CECR2: variants seen among roughly 807,000 people sequenced by gnomAD.
CECR2 encodes chromatin remodeling regulator CECR2.
A neutral mutation model predicts 154.5 loss-of-function variants in CECR2; 30 were observed. That is an observed-to-expected ratio of 0.19 (90% CI 0.15 to 0.26). The LOEUF is 0.26. CECR2 is among the 10% of genes least tolerant of loss of function. The pLI is 1.00. For synonymous variants in CECR2, 725 were observed against 683.7 expected (o/e 1.06, Z -0.94); for missense variants, 1,743 against 1,829.3 (o/e 0.95, Z 0.86).
chr22:17,435,689 A>AC (rs1357624633), intron 1 of CECR2, among the ~76,000 whole-genome samples: 3 of 142,884 alleles, frequency 2.1e-5, no homozygotes, highest in Non-Finnish European at 4.5e-5. Flanking sequence ...ATTCTTAAAA[A>AC]AAAAAAAAAA....
In CECR2 at chr22:17,510,541, A is replaced by G. The variant is rs554556363; in HGVS notation, c.871-1272A>G. On this transcript the variant is annotated intron_variant, in intron 7 of 18. Coordinates refer to ENST00000262608, the MANE Select transcript of CECR2 (RefSeq NM_001290047.2). ...GTTTTTCGGGACAAGTACTTAAAGA[A>G]GGTCATGACAGCGTTTGATAATTGG... 4.6e-5 allele frequency among the ~76,000 whole-genome samples: 7 copies of G among 152,276 alleles called. No homozygotes were observed. The South Asian group carries it at 1.2e-3, about 27-fold the overall frequency.
intron 1 of CECR2, among the ~76,000 whole-genome samples, chr22:17,406,433 G>GA (rs1227879752): frequency 1.3e-5 from 2 of 152,172 alleles, no homozygotes; most frequent in Non-Finnish European, 2.9e-5. Flanking sequence ...TGAAGCATGA[G>GA]AATCACTTGA....
At chr22:17,394,223 T>TA (rs1166080002) in intron 1 of CECR2, among the ~76,000 whole-genome samples, 2 of 140,722 alleles carry the variant, frequency 1.4e-5, no homozygotes, top group South Asian at 2.2e-4. Context: ...TTTTTTTTTT[T>TA]AAGACGGTTT....
chr22:17,420,143 T>C (rs1413573537), intron 1 of CECR2, among the ~76,000 whole-genome samples: 1 of 152,212 alleles, frequency 6.6e-6, no homozygotes, highest in Non-Finnish European at 1.5e-5. Context: ...TAATCCTTTG[T>C]TGGAATGGAA....
At chr22:17,518,061 TAATGC>T (rs1488253022) in intron 8 of CECR2, among the ~76,000 whole-genome samples, 1 of 152,180 alleles carries the variant, frequency 6.6e-6, no homozygotes, top group African/African-American at 2.4e-5. Flanking sequence ...TTCTCCATTG[TAATGC>T]TGCCATCTTT....
At chr22:17,447,803 G>C (rs1025477509) in intron 1 of CECR2, among the ~76,000 whole-genome samples, 6 of 152,006 alleles carry the variant, frequency 3.9e-5, no homozygotes, top group Middle Eastern at 3.2e-3. Flanking sequence ...TTAGCCACTG[G>C]CAGCTGTGTA....
In CECR2 at chr22:17,555,073, G is replaced by A. The variant is rs1441829835; in HGVS notation, c.*2233G>A. ...ATGACTACCCCAGGGGCCTGGGTGGGAGTGGCTGTAAGCAGCAGTTGGGCC... is the reference window on the plus strand; with the variant it reads ...ATGACTACCCCAGGGGCCTGGGTGGAAGTGGCTGTAAGCAGCAGTTGGGCC... On this transcript the variant is annotated 3_prime_UTR_variant, in exon 19 of 19. Transcript: ENST00000262608. 6.6e-6 allele frequency: 1 copy of A among 152,316 alleles called. No individual in the cohort carries two copies. The highest frequency in any genetic ancestry group is 6.5e-5 in the Admixed American group (1 of 15,282). 9.4% of individuals were successfully genotyped at this position (152,316 alleles called of 1,614,324 possible).
At chr22:17,419,549 G>GGAAGAGGAA (rs1491483495) in intron 1 of CECR2, 1 of 179,396 alleles carries the variant, frequency 5.6e-6, no homozygotes, top group Non-Finnish European at 1.0e-5. Context: ...AAGAGGAAGA[G>GGAAGAGGAA]GAGGAGGAGG....
In CECR2 at chr22:17,419,506, AGG is replaced by A. The variant is rs1327972673; in HGVS notation, c.126+49598_126+49599del. The A allele has an allele frequency of 6.3e-3, 1,015 of 161,362 alleles. 7 individuals are homozygous for A. Among genetic ancestry groups the A allele is most frequent in the African/African-American group, 0.052 (946 of 18,318 alleles). The allele number at this position is 161,362 out of a possible 1,614,324, so 10.0% of individuals were successfully genotyped here. A position where few individuals can be genotyped will look rare whatever the true frequency, so the allele number is the denominator to read the frequency against. ...ACAGAGCCTCATCAGGAAGAGGAAG[AGG>A]AGGAAGAAGAAGAAGAAGAAGAGGA... On this transcript the variant is annotated intron_variant, in intron 1 of 18. Coordinates refer to ENST00000262608, the MANE Select transcript of CECR2 (RefSeq NM_001290047.2).
chr22:17,450,020 A>T (rs2146695973), intron 1 of CECR2, among the ~76,000 whole-genome samples: 1 of 152,290 alleles, frequency 6.6e-6, no homozygotes, highest in South Asian at 2.1e-4. Context: ...GAATGAGTAA[A>T]CTGATGGTAT....
rs913657284 is a variant in CECR2 at position 17,554,327 on chromosome 22, G to A, written c.*1487G>A. ...TTTTAAGCATGCTTTTGGGATAGTA[G>A]AAGAGTCTCTATGAAATATTAATCT... On this transcript the variant is annotated 3_prime_UTR_variant, in exon 19 of 19. Transcript: ENST00000262608. 2 of 152,190 alleles carry A rather than the reference G, an allele frequency of 1.3e-5. No individual in the cohort carries two copies. The highest frequency in any genetic ancestry group is 2.9e-5 in the Non-Finnish European group (2 of 68,048). The allele number at this position is 152,190 out of a possible 1,614,324, so 9.4% of individuals were successfully genotyped here.
rs995207135 is a variant in CECR2 at position 17,538,882 on chromosome 22, T to C, written c.1369-111T>C. ...GTGATGTTTCTCGTTTTATCTGTTA[T>C]TCATTACAGATCAGCATTGCTGAAT... On this transcript the variant is annotated intron_variant, in intron 12 of 18. Transcript: ENST00000262608. 8.8e-5 allele frequency: 123 copies of C among 1,390,944 alleles called. No individual in the cohort carries two copies. In the Admixed American group the frequency reaches 1.0e-3, roughly 11 times the overall value. 86.2% of individuals were successfully genotyped at this position (1,390,944 alleles called of 1,614,324 possible).
At chr22:17,379,625 T>TGTGTGTGTGTGTGTGTGTGTGTG (rs2063163253) in intron 1 of CECR2, among the ~76,000 whole-genome samples, 1 of 148,986 alleles carries the variant, frequency 6.7e-6, no homozygotes, top group Non-Finnish European at 1.5e-5. Context: ...TGTGTGTGTG[T>TGTGTGTGTGTGTGTGTGTGTGTG]TTGCGATATA....
Position 17,549,443 on chromosome 22 carries a change from G to A in CECR2, c.4156G>A (p.Glu1386Lys), listed in dbSNP as rs2056671678. Residue 1386 changes from glutamate (E) to lysine (K), a missense_variant, in exon 17 of 19, where the codon GAG becomes AAG. By Grantham distance (56) the Glu-to-Lys change is moderately conservative. Around this residue, in one of 4 missense-constraint regions of CECR2, gnomAD observed 1,250 missense variants for 1,192.1 expected, o/e 1.05. Transcript: ENST00000262608. Reference sequence around the variant, plus strand: ...CACCCAGCCCAACGGCCTCTCTCAGGAGGGTCCCATCTATCGCTGCCAGGA... The same window carrying A: ...CACCCAGCCCAACGGCCTCTCTCAGAAGGGTCCCATCTATCGCTGCCAGGA... Reference protein sequence around the residue: ...GATQPNGLSQEGPIYRCQEEG... With the variant: ...GATQPNGLSQKGPIYRCQEEG... The A allele has an allele frequency of 6.2e-7, 1 of 1,612,776 alleles. No individual in the cohort carries two copies. The highest frequency in any genetic ancestry group is 1.7e-5 in the Admixed American group (1 of 59,734).
chr22:17,432,515 T>A (rs2054440851), intron 1 of CECR2, among the ~76,000 whole-genome samples: 1 of 152,240 alleles, frequency 6.6e-6, no homozygotes, highest in African/African-American at 2.4e-5. Context: ...GGTCATATGA[T>A]TACTGTGTTT....
chr22:17,540,046 A>G (rs1479474190), intron 13 of CECR2, among the ~76,000 whole-genome samples: 1 of 152,064 alleles, frequency 6.6e-6, no homozygotes, highest in Non-Finnish European at 1.5e-5. Flanking sequence ...TGCCCAGTCC[A>G]GTCTTGGAAC....
chr22:17,372,753 T>C (rs2063075388), intron 1 of CECR2, among the ~76,000 whole-genome samples: 1 of 152,196 alleles, frequency 6.6e-6, no homozygotes, highest in African/African-American at 2.4e-5. Context: ...CCCTACAGTC[T>C]TAATTTTCTG....
At chr22:17,529,527 C>T (rs1247112822) in intron 9 of CECR2, among the ~76,000 whole-genome samples, 1 of 151,996 alleles carries the variant, frequency 6.6e-6, no homozygotes, top group Non-Finnish European at 1.5e-5. Context: ...GGTGAAACCC[C>T]GTCTCTACTA....
chr22:17,523,732 G>C (rs1269462937), intron 8 of CECR2, among the ~76,000 whole-genome samples: 2 of 141,438 alleles, frequency 1.4e-5, no homozygotes, highest in African/African-American at 5.3e-5. Flanking sequence ...CTCCAGCCTA[G>C]GCGACAGAGC....
Sources: gnomAD v4.1 joint callset for allele counts (sites outside exome capture counted in the v4.1 genomes callset) on GRCh38, gnomAD v4.1.1 for gene constraint, gnomAD v4.1.1 regional missense constraint, MANE v1.5 for transcripts, NCBI Gene and HGNC (gene_info 2026-07-23, HGNC 2026-07-21) for gene names.